Variants in PELP1 observed in about 807,000 individuals in gnomAD.
PELP1 encodes proline-, glutamic acid- and leucine-rich protein 1.
Under a neutral mutation model 95.5 loss-of-function variants are expected in PELP1, and 32 were observed. The ratio of observed to expected loss-of-function variants is 0.34; its 90% CI spans 0.25 to 0.45. The LOEUF is 0.45. PELP1 is among the 20% of genes least tolerant of loss of function. The probability of loss-of-function intolerance (pLI) is 1.00; values close to 1 mark genes in which losing one functional copy is unlikely to be tolerated. For synonymous variants in PELP1, 668 were observed against 600.1 expected, an observed-to-expected ratio of 1.11 and a Z score of -1.65; for missense variants, 1,358 against 1,444.8, an observed-to-expected ratio of 0.94 and a Z score of 0.97.
In PELP1 at chr17:4,672,033, C is replaced by G; in HGVS notation, c.2958G>C (p.Leu986=). 1 of 1,566,474 alleles carries G rather than the reference C, an allele frequency of 6.4e-7. No individual in the cohort carries two copies. Among genetic ancestry groups the G allele is most frequent in the Non-Finnish European group, 8.6e-7 (1 of 1,160,412 alleles). The change falls in exon 16 of 17, where the codon CTG becomes CTC. Residue 986 remains leucine (L), a synonymous_variant. Coordinates refer to ENST00000572293, the MANE Select transcript of PELP1 (RefSeq NM_014389.3). The stretch of plus-strand genomic sequence containing the variant: ...CCTTTGGGGGAGACTCAGGGGGAGG[C>G]AGAGCTGGAGGCAGGGTTGGGGGTG... ...APPPPTLPPA[L]PPPESPPKVQ... is the part of the protein sequence containing the mutation.
At chr17:4,691,186 T>A in intron 2 of PELP1, 192 bp downstream of exon 2, 1 of 640,172 alleles carries the variant, frequency 1.6e-6, no homozygotes, top group East Asian at 2.7e-5. Context: ...CAGGGTGGAA[T>A]AGGACATCTG....
At position 4,675,219 on chromosome 17, in the gene PELP1, C is replaced by A; in HGVS notation, c.1158-24G>T. On this transcript the variant is annotated intron_variant, in intron 10 of 16. Transcript: ENST00000572293. This position sits in a 1 kb window ranked among gnomAD's most constrained non-coding sequence, Gnocchi z 4.3. ...ACCTGGGGCAGAGAAGGAATGGTGA[C>A]CCTCGTTTCTGGCACGCCCTATCCC... is the stretch of plus-strand genomic sequence containing the variant. 3 of 1,609,300 alleles carry A rather than the reference C, an allele frequency of 1.9e-6. No homozygotes were observed. In the South Asian group the frequency reaches 3.3e-5, roughly 18 times the overall value.
intron 3 of PELP1, among the ~76,000 whole-genome samples, chr17:4,687,789 T>C (rs1012824234): frequency 6.6e-6 from 1 of 152,206 alleles, no homozygotes; most frequent in Non-Finnish European, 1.5e-5. Flanking sequence ...GCCTGCTATA[T>C]GTGCTCAGAA....
chr17:4,676,721 C>T, intron 6 of PELP1, 32 bp downstream of exon 6: 1 of 1,541,828 alleles, frequency 6.5e-7, no homozygotes, highest in South Asian at 1.2e-5. Context: ...GCTCAGATCC[C>T]CGGGCTCTCC....
chr17:4,672,048 G>T lies in PELP1; in HGVS notation c.2943C>A (p.Thr981=). 1 of 1,566,628 alleles carries T rather than the reference G, an allele frequency of 6.4e-7. No homozygotes were observed. The highest frequency in any genetic ancestry group is 2.3e-5 in the East Asian group (1 of 42,922). ...CAGGGGGAGGCAGAGCTGGAGGCAG[G>T]GTTGGGGGTGGAGGTGCACCTTCTT... ...EVEEGAPPPP[T]LPPALPPPES... Residue 981 remains threonine, a synonymous_variant, in exon 16 of 17, where the codon ACC becomes ACA. Transcript: ENST00000572293.
chr17:4,681,617 T>C (rs1912692620), intron 5 of PELP1, among the ~76,000 whole-genome samples: 1 of 151,746 alleles, frequency 6.6e-6, no homozygotes, highest in South Asian at 2.1e-4. Flanking sequence ...CTGGCCAACA[T>C]GATGAAACCC....
intron 2 of PELP1, 163 bp downstream of exon 2, chr17:4,691,215 G>A (rs1409786396): frequency 2.4e-5 from 16 of 660,720 alleles, no homozygotes; most frequent in Non-Finnish European, 3.7e-5. Context: ...AAAAGGTAGG[G>A]TTCAAATCAA....
In PELP1 at chr17:4,676,178, C is replaced by G. The variant is rs1247303615; in HGVS notation, c.854-16G>C. 2 of 1,612,704 alleles carry G rather than the reference C, an allele frequency of 1.2e-6. No individual in the cohort carries two copies. Among genetic ancestry groups the G allele is most frequent in the African/African-American group, 1.3e-5 (1 of 74,918 alleles). On this transcript the variant is annotated splice_polypyrimidine_tract_variant and intron_variant, in intron 7 of 16. Transcript: ENST00000572293. Reference sequence around the variant, plus strand: ...TGCACAGGAGCTGGCAGAAGCACAACTACCCTGTACACTGTCTTTCTTCCA... The same window carrying G: ...TGCACAGGAGCTGGCAGAAGCACAAGTACCCTGTACACTGTCTTTCTTCCA...
In PELP1 at chr17:4,676,071, A is replaced by G. The variant is rs1912458566; in HGVS notation, c.945T>C (p.Phe315=). The G allele has an allele frequency of 6.2e-7, 1 of 1,613,954 alleles. No individual in the cohort carries two copies. The highest frequency in any genetic ancestry group is 8.5e-7 in the Non-Finnish European group (1 of 1,179,878). ...GCCCTAGGCAGCGGGCCAGTCCCGAAAACCTCTGCCGAAGCTGGAGAAGGA... is the reference window on the plus strand; with the variant it reads ...GCCCTAGGCAGCGGGCCAGTCCCGAGAACCTCTGCCGAAGCTGGAGAAGGA... ...AHVLLQLRQR[F]SGLARCLGLM... The change falls in exon 8 of 17, where the codon TTT becomes TTC. Residue 315 remains phenylalanine, a synonymous_variant. Transcript: ENST00000572293.
chr17:4,682,558 A>G lies in PELP1; in HGVS notation c.586T>C (p.Leu196=), dbSNP rs189658030. 4.3e-6 allele frequency: 7 copies of G among 1,613,048 alleles called. No homozygotes were observed. In the African/African-American group the frequency reaches 6.7e-5, roughly 15 times the overall value. ...GLRPECEQSA[L]EGMKACMTYF... ...GTCATACAAGCCTTCATTCCTTCCA[A>G]TGCTGACTGCTCACACTGTAGGAAA... is the stretch of plus-strand genomic sequence containing the variant. Residue 196 remains leucine, a synonymous_variant, in exon 5 of 17, where the codon TTG becomes CTG. Transcript: ENST00000572293.
At chr17:4,682,471 C>G (rs1912725562) in intron 5 of PELP1, 31 bp downstream of exon 5, 1 of 1,428,234 alleles carries the variant, frequency 7.0e-7, no homozygotes, top group African/African-American at 1.4e-5. Flanking sequence ...AACGCTTACA[C>G]TGGTGGGGAG....
Position 4,673,396 on chromosome 17 carries a change from T to C in PELP1, c.1699A>G (p.Ser567Gly), listed in dbSNP as rs1431526917. The change falls in exon 15 of 17, where the codon AGC becomes GGC. Residue 567 changes from serine (S) to glycine (G), a missense_variant. Around this residue, in one of 7 missense-constraint regions of PELP1, gnomAD observed 538 missense variants for 628.1 expected, o/e 0.86. Coordinates refer to ENST00000572293, the MANE Select transcript of PELP1 (RefSeq NM_014389.3). The surrounding 1 kb of genome is among the most constrained non-coding windows in gnomAD (Gnocchi z 5.7). The stretch of plus-strand genomic sequence containing the variant: ...CAGCGGGAGCTCGTGTACGGGGAGC[T>C]GCCTAGGACCTCACCCTGCTGTACA... ...MGVQQGEVLGSSPYTSSRCRR... is the reference protein window; with the variant it reads ...MGVQQGEVLGGSPYTSSRCRR... The C allele has an allele frequency of 4.4e-6, 7 of 1,597,052 alleles. No homozygotes were observed. In the Admixed American group the frequency reaches 1.2e-4, roughly 28 times the overall value.
At chr17:4,681,369 C>A (rs1912678868) in intron 5 of PELP1, among the ~76,000 whole-genome samples, 1 of 145,672 alleles carries the variant, frequency 6.9e-6, no homozygotes, top group Non-Finnish European at 1.6e-5. Flanking sequence ...TCAGTAATCC[C>A]AGCTACTTGC....
In PELP1 at chr17:4,675,745, G is replaced by A; in HGVS notation, c.1068+52C>T. 1 of 1,318,538 alleles carries A rather than the reference G, an allele frequency of 7.6e-7. No individual in the cohort carries two copies. Among genetic ancestry groups the A allele is most frequent in the South Asian group, 1.3e-5 (1 of 79,500 alleles). The allele number at this position is 1,318,538 out of a possible 1,614,324, so 81.7% of individuals were successfully genotyped here. Reference sequence around the variant, plus strand: ...GACTCAGGTCCCCAGTACTTTCCTGGTTGCCTGGTATCCTGAGCAAGGGCT... The same window carrying A: ...GACTCAGGTCCCCAGTACTTTCCTGATTGCCTGGTATCCTGAGCAAGGGCT... On this transcript the variant is annotated intron_variant, in intron 9 of 16. Coordinates refer to ENST00000572293, the MANE Select transcript of PELP1 (RefSeq NM_014389.3). The surrounding 1 kb of genome is among the most constrained non-coding windows in gnomAD (Gnocchi z 4.3).
intron 1 of PELP1, among the ~76,000 whole-genome samples, chr17:4,699,214 C>T (rs962128415): frequency 2.0e-5 from 3 of 151,992 alleles, no homozygotes; most frequent in African/African-American, 7.3e-5. Flanking sequence ...CCCGTCTCCA[C>T]TAAAAATACA....
Position 4,675,780 on chromosome 17 carries a change from T to C in PELP1, c.1068+17A>G, listed in dbSNP as rs1165362851. On this transcript the variant is annotated intron_variant, in intron 9 of 16. Transcript: ENST00000572293. This position sits in a 1 kb window ranked among gnomAD's most constrained non-coding sequence, Gnocchi z 4.3. ...ATCCTGAGCAAGGGCTCTGAAGAGA[T>C]GACAAATCCCACTTACAATATTCTT... 1.3e-6 allele frequency: 2 copies of C among 1,537,424 alleles called. No homozygotes were observed. The highest frequency in any genetic ancestry group is 1.4e-5 in the African/African-American group (1 of 73,062).
Position 4,682,508 on chromosome 17 carries a change from A to T in PELP1, c.636T>A (p.Ser212=). ...CMTYFPRACG[S]LKGKLASFFL... ...AGAGTGCATAAATACTTACTTTGAG[A>T]GAACCACAAGCCCGAGGGAAATAGG... Residue 212 remains serine (S), a synonymous_variant, in exon 5 of 17, where the codon TCT becomes TCA. Transcript: ENST00000572293. 6.2e-7 allele frequency: 1 copy of T among 1,606,942 alleles called. No individual in the cohort carries two copies. The highest frequency in any genetic ancestry group is 8.5e-7 in the Non-Finnish European group (1 of 1,173,420).
Position 4,682,784 on chromosome 17 carries a change from G to A in PELP1, c.570+19C>T, listed in dbSNP as rs1912738523. The A allele has an allele frequency of 1.9e-6, 3 of 1,557,858 alleles. No homozygotes were observed. The highest frequency in any genetic ancestry group is 2.6e-6 in the Non-Finnish European group (3 of 1,155,398). On this transcript the variant is annotated intron_variant, in intron 4 of 16. Coordinates refer to ENST00000572293, the MANE Select transcript of PELP1 (RefSeq NM_014389.3). ...GGACTGCGGGGGGCCATGGGGAAGG[G>A]TCCAGGGAGACATCTCACCTCTGGC...
chr17:4,671,129 C>G lies in PELP1; in HGVS notation c.*310G>C. 2.5e-6 allele frequency: 1 copy of G among 392,822 alleles called. No homozygotes were observed. The highest frequency in any genetic ancestry group is 4.7e-6 in the Non-Finnish European group (1 of 214,786). 24.3% of individuals were successfully genotyped at this position (392,822 alleles called of 1,614,324 possible). ...TACAAACACGAAAGCAGGGCTGTGTCTCTATAACTCCTCATTCTTAACCCT... is the reference window on the plus strand; with the variant it reads ...TACAAACACGAAAGCAGGGCTGTGTGTCTATAACTCCTCATTCTTAACCCT... On this transcript the variant is annotated 3_prime_UTR_variant, in exon 17 of 17. Coordinates refer to ENST00000572293, the MANE Select transcript of PELP1 (RefSeq NM_014389.3).
Sources: allele counts gnomAD v4.1 joint callset (sites outside exome capture counted in the v4.1 genomes callset), GRCh38; gene constraint gnomAD v4.1.1; regional missense constraint gnomAD v4.1.1; non-coding constraint Gnocchi (gnomAD v3.1); transcripts MANE v1.5; gene names NCBI Gene and HGNC (gene_info 2026-07-23, HGNC 2026-07-21).